ENTREP2: variants seen among roughly 807,000 people sequenced by gnomAD.
ENTREP2 encodes the protein endosomal transmembrane epsin interactor 2, also known as protein ENTREP2.
At chr15:29,329,062 T>A in the ENTREP2 span, among the ~76,000 whole-genome samples, 1 of 152,088 alleles carries the variant, frequency 6.6e-6, no homozygotes, top group Non-Finnish European at 1.5e-5. Flanking sequence ...TGATCCCTAA[T>A]AATAAAATAG....
the ENTREP2 span, among the ~76,000 whole-genome samples, chr15:29,132,022 C>A: frequency 2.0e-5 from 3 of 152,136 alleles, no homozygotes; most frequent in East Asian, 2.0e-4. Flanking sequence ...AGGCCGCCCC[C>A]TCTTGGGTTA....
the ENTREP2 span, among the ~76,000 whole-genome samples, chr15:29,298,053 C>G: frequency 6.6e-6 from 1 of 152,096 alleles, no homozygotes; most frequent in Admixed American, 6.5e-5. Flanking sequence ...AAGTTTGAAA[C>G]AGAAAATGTA....
At chr15:29,381,040 AT>A in the ENTREP2 span, among the ~76,000 whole-genome samples, 1 of 151,588 alleles carries the variant, frequency 6.6e-6, no homozygotes. Flanking sequence ...TTTAGTAGAG[AT>A]GGGGTTTCAC....
the ENTREP2 span, among the ~76,000 whole-genome samples, chr15:29,671,802 G>A: frequency 0.039 from 5,942 of 152,130 alleles, 341 homozygotes; most frequent in African/African-American, 0.13. Flanking sequence ...TGATCCCAGC[G>A]ATTCTCCCAG....
At chr15:29,237,507 G>A in the ENTREP2 span, among the ~76,000 whole-genome samples, 1 of 152,162 alleles carries the variant, frequency 6.6e-6, no homozygotes, top group South Asian at 2.1e-4. Flanking sequence ...TAAAAGGGAT[G>A]AGGTTTAGGT....
the ENTREP2 span, chr15:29,123,427 A>T: frequency 6.4e-7 from 1 of 1,551,616 alleles, no homozygotes. Context: ...GGCACCCACC[A>T]TGTGCTGTGC....
At chr15:29,552,684 G>C in the ENTREP2 span, among the ~76,000 whole-genome samples, 1 of 152,014 alleles carries the variant, frequency 6.6e-6, no homozygotes, top group Non-Finnish European at 1.5e-5. Flanking sequence ...ATGCAGATGA[G>C]AGAAATTATT....
chr15:29,416,262 G>A, the ENTREP2 span, among the ~76,000 whole-genome samples: 1 of 152,174 alleles, frequency 6.6e-6, no homozygotes, highest in Admixed American at 6.5e-5. Flanking sequence ...CAAGGCTACA[G>A]TAACCAAAAC....
At chr15:29,561,355 G>T in the ENTREP2 span, among the ~76,000 whole-genome samples, 1 of 152,088 alleles carries the variant, frequency 6.6e-6, no homozygotes, top group Non-Finnish European at 1.5e-5. Context: ...AGGAGAGAAT[G>T]GAAAAGCTCT....
At chr15:29,649,911 A>G in the ENTREP2 span, among the ~76,000 whole-genome samples, 3 of 152,086 alleles carry the variant, frequency 2.0e-5, no homozygotes, top group African/African-American at 4.8e-5. Flanking sequence ...TCTACCACGG[A>G]TAAGAGTTGG....
At chr15:29,440,382 G>A in the ENTREP2 span, among the ~76,000 whole-genome samples, 1 of 152,022 alleles carries the variant, frequency 6.6e-6, no homozygotes, top group Admixed American at 6.6e-5. Context: ...TCCTACATGT[G>A]GGGAAATATT....
the ENTREP2 span, among the ~76,000 whole-genome samples, chr15:29,348,328 G>A: frequency 7.2e-5 from 11 of 152,210 alleles, no homozygotes; most frequent in African/African-American, 2.6e-4. Flanking sequence ...GAAACAGGGG[G>A]AGGTCTAGGA....
At chr15:29,670,477 T>C in the ENTREP2 span, among the ~76,000 whole-genome samples, 9 of 152,152 alleles carry the variant, frequency 5.9e-5, no homozygotes, top group African/African-American at 1.7e-4. Context: ...AGGCCAGCCT[T>C]GGAAATTGAA....
chr15:29,505,041 T>C, the ENTREP2 span, among the ~76,000 whole-genome samples: 5,531 of 152,326 alleles, frequency 0.036, 173 homozygotes, highest in East Asian at 0.13. The surrounding 1 kb of genome is among the most constrained non-coding windows in gnomAD (Gnocchi z 4.3). Flanking sequence ...CCAACAACTG[T>C]TTGTTAAATT....
the ENTREP2 span, among the ~76,000 whole-genome samples, chr15:29,396,449 G>C: frequency 6.6e-6 from 1 of 151,904 alleles, no homozygotes; most frequent in Non-Finnish European, 1.5e-5. Flanking sequence ...GCCCATTTTT[G>C]AATTGTGTTC....
At chr15:29,489,245 A>C in the ENTREP2 span, among the ~76,000 whole-genome samples, 8 of 152,280 alleles carry the variant, frequency 5.3e-5, no homozygotes, top group South Asian at 4.1e-4. Context: ...TTCCTTCCTT[A>C]CCTGCCTGGC....
At chr15:29,552,729 A>C in the ENTREP2 span, among the ~76,000 whole-genome samples, 4,942 of 152,306 alleles carry the variant, frequency 0.032, 94 homozygotes, top group Middle Eastern at 0.085. Flanking sequence ...ACACGTCTAC[A>C]AAACAAGAGA....
chr15:29,436,154 A>AT, the ENTREP2 span, among the ~76,000 whole-genome samples: 1 of 152,146 alleles, frequency 6.6e-6, no homozygotes, highest in African/African-American at 2.4e-5. Context: ...GCCATTTGTC[A>AT]TTTTCTCTAC....
chr15:29,581,710 G>GT, the ENTREP2 span, among the ~76,000 whole-genome samples: 16,078 of 149,184 alleles, frequency 0.11, 1,084 homozygotes, highest in Middle Eastern at 0.18. Context: ...CAGCAAGTTG[G>GT]TTTTTTTTTT....
Sources: gnomAD v4.1 joint callset for allele counts (sites outside exome capture counted in the v4.1 genomes callset) on GRCh38, gnomAD v4.1.1 for gene constraint, Gnocchi (gnomAD v3.1) non-coding constraint, MANE v1.5 for transcripts, NCBI Gene and HGNC (gene_info 2026-07-23, HGNC 2026-07-21) for gene names.